ZNF664: variants seen among roughly 807,000 people sequenced by gnomAD.
ZNF664 encodes the protein zinc finger protein 664.
ZNF664 carries 10 observed loss-of-function variants against 18.2 expected under a neutral mutation model. The ratio of observed to expected loss-of-function variants is 0.55; its 90% confidence interval spans 0.34 to 0.93. ZNF664 has a LOEUF of 0.93. ZNF664 is among the 40% of genes least tolerant of loss of function. ZNF664 has a pLI of 0.02. For missense variants in ZNF664, 193 were observed against 319.0 expected (o/e 0.61, Z 3.01); for synonymous variants, 119 against 104.2 (o/e 1.14, Z -0.86).
intron 3 of ZNF664, 135 bp downstream of exon 3, chr12:123,988,273 G>A (rs955059439): frequency 2.7e-5 from 19 of 716,144 alleles, no homozygotes; most frequent in South Asian, 2.2e-4. Context: ...CTCCGTGCAC[G>A]CTCTTCCTGA....
At chr12:124,011,237 C>CATG in intron 3 of ZNF664, 144 bp from the exon 4 acceptor site, 2 of 949,572 alleles carry the variant, frequency 2.1e-6, no homozygotes, top group Non-Finnish European at 2.5e-6. Flanking sequence ...TTCATACTCA[C>CATG]ATGTAGGTCT....
intron 3 of ZNF664, among the ~76,000 whole-genome samples, chr12:124,009,989 G>A (rs893937553): frequency 5.3e-5 from 8 of 151,206 alleles, no homozygotes; most frequent in African/African-American, 1.9e-4. Flanking sequence ...TGCCATACTC[G>A]ACTCGGCTAG....
chr12:123,999,057 T>C (rs1017427928), intron 3 of ZNF664, among the ~76,000 whole-genome samples: 1 of 152,226 alleles, frequency 6.6e-6, no homozygotes, highest in Non-Finnish European at 1.5e-5. Context: ...TTATATGTTA[T>C]GATTACTGGC....
chr12:124,012,969 G>A lies in ZNF664; in HGVS notation c.*39G>A, dbSNP rs763978262. 2 of 1,591,992 alleles carry A rather than the reference G, an allele frequency of 1.3e-6. No individual in the cohort carries two copies. Among genetic ancestry groups the A allele is most frequent in the Admixed American group, 1.8e-5 (1 of 56,306 alleles). ...GAGTTTAAAATCTTAAAACCCATAA[G>A]TGCCACTAGGAAGGAAACCCTGTAT... On this transcript the variant is annotated 3_prime_UTR_variant, in exon 5 of 5. Coordinates refer to ENST00000337815, the MANE Select transcript of ZNF664 (RefSeq NM_152437.3).
At chr12:124,009,277 C>A (rs1957108098) in intron 3 of ZNF664, among the ~76,000 whole-genome samples, 1 of 152,118 alleles carries the variant, frequency 6.6e-6, no homozygotes, top group South Asian at 2.1e-4. Context: ...ATACTATGCT[C>A]AAAAGCCATT....
Position 123,986,807 on chromosome 12 carries a change from T to C in ZNF664, c.-756-1236T>C, listed in dbSNP as rs1002977486. Among the ~76,000 whole-genome samples the C allele has an allele frequency of 2.0e-5, 3 of 152,174 alleles. No individual in the cohort carries two copies. The East Asian group carries it at 5.8e-4, about 29-fold the overall frequency. The stretch of plus-strand genomic sequence containing the variant: ...TAGCAGGCACCATGATTGGCATGTA[T>C]AGTTCAGTAAGGGAGGAAAAAACCT... On this transcript the variant is annotated intron_variant, in intron 2 of 4. Transcript: ENST00000337815.
chr12:124,012,004 G>A lies in ZNF664; in HGVS notation c.-141G>A, dbSNP rs1252371178. 1.6e-5 allele frequency: 23 copies of A among 1,441,594 alleles called. No homozygotes were observed. Among genetic ancestry groups the A allele is most frequent in the Non-Finnish European group, 2.0e-5 (22 of 1,106,482 alleles). 89.3% of individuals were successfully genotyped at this position (1,441,594 alleles called of 1,614,324 possible). On this transcript the variant is annotated 5_prime_UTR_variant, in exon 5 of 5. Transcript: ENST00000337815. The stretch of plus-strand genomic sequence containing the variant: ...AGACAGGCAGGGAAAAGCTTAGGCT[G>A]ACCTTAAACTTACCTAATAGAGCAA...
chr12:124,002,410 C>T (rs572483244), intron 3 of ZNF664, among the ~76,000 whole-genome samples: 5 of 152,322 alleles, frequency 3.3e-5, no homozygotes, highest in African/African-American at 4.8e-5. Context: ...AGGGCAGTGA[C>T]GTTCTCTAAC....
chr12:123,988,379 C>T (rs1345286957), intron 3 of ZNF664, among the ~76,000 whole-genome samples: 2 of 152,150 alleles, frequency 1.3e-5, no homozygotes, highest in East Asian at 1.9e-4. Context: ...TCTTTTTGTT[C>T]CCTGGGATCT....
rs1957136807 is a variant in ZNF664, at chr12:124,011,594, A to AT, written c.-550dup. 1 of 990,234 alleles carries AT rather than the reference A, an allele frequency of 1.0e-6. No individual in the cohort carries two copies. Among genetic ancestry groups the AT allele is most frequent in the African/African-American group, 1.7e-5 (1 of 57,322 alleles). The allele number at this position is 990,234 out of a possible 1,614,324, so 61.3% of individuals were successfully genotyped here. A position where few individuals can be genotyped will look rare whatever the true frequency, so the allele number is the denominator to read the frequency against. ...GGAATTCCCCAAAGCAGGGCTTGCCATACCTGGACCCCGAGGAGCCTGCTT... is the reference window on the plus strand; with the variant it reads ...GGAATTCCCCAAAGCAGGGCTTGCCATTACCTGGACCCCGAGGAGCCTGCTT... On this transcript the variant is annotated 5_prime_UTR_variant, in exon 5 of 5. Coordinates refer to ENST00000337815, the MANE Select transcript of ZNF664 (RefSeq NM_152437.3).
chr12:124,005,483 A>AG (rs1555272955), intron 3 of ZNF664, among the ~76,000 whole-genome samples: 2 of 142,814 alleles, frequency 1.4e-5, no homozygotes, highest in East Asian at 2.0e-4. Flanking sequence ...AATTTATAGA[A>AG]TGTGTGTGTG....
rs748995554 is a variant in ZNF664, at chr12:124,012,702, C to G, written c.558C>G (p.Leu186=). 8.1e-6 allele frequency: 13 copies of G among 1,613,590 alleles called. 1 individual carries two copies. Among genetic ancestry groups the G allele is most frequent in the Admixed American group, 6.7e-5 (4 of 59,976 alleles). ...AGGCGTTCAGTCAGAGTTCGAGCCT[C>G]TGCATCCACCAGAGAGTCCACACTG... ...CGKAFSQSSS[L]CIHQRVHTGE... is the part of the protein sequence containing the mutation. The change falls in exon 5 of 5, where the codon CTC becomes CTG. Residue 186 remains leucine (L), a synonymous_variant. Coordinates refer to ENST00000337815, the MANE Select transcript of ZNF664 (RefSeq NM_152437.3).
At chr12:123,973,688 A>G (rs2138289758) in intron 1 of ZNF664, 198 bp from the exon 2 acceptor site, 1 of 952,924 alleles carries the variant, frequency 1.0e-6, no homozygotes, top group African/African-American at 1.7e-5. Context: ...GCCCCTCGGG[A>G]GCCGGACTCC....
intron 2 of ZNF664, chr12:123,974,299 A>T (rs1442073185): frequency 2.9e-6 from 1 of 350,722 alleles, no homozygotes; most frequent in Non-Finnish European, 5.1e-6. Context: ...TGGTTGCTAG[A>T]TTGCTTACGG....
rs778764172 is a variant in ZNF664, at chr12:124,012,729, A to C, written c.585A>C (p.Gly195=). 1 of 1,613,096 alleles carries C rather than the reference A, an allele frequency of 6.2e-7. No individual in the cohort carries two copies. Among genetic ancestry groups the C allele is most frequent in the East Asian group, 2.2e-5 (1 of 44,818 alleles). ...SLCIHQRVHT[G]EKPYRCCGCG... ...GCATCCACCAGAGAGTCCACACTGG[A>C]GAGAAACCCTATAGATGTTGTGGAT... is the stretch of plus-strand genomic sequence containing the variant. The change falls in exon 5 of 5, where the codon GGA becomes GGC. Residue 195 remains glycine, a synonymous_variant. Transcript: ENST00000337815.
intron 3 of ZNF664, among the ~76,000 whole-genome samples, chr12:124,000,749 C>G (rs573596271): frequency 6.6e-6 from 1 of 152,238 alleles, no homozygotes; most frequent in African/African-American, 2.4e-5. Context: ...TGGAATCATT[C>G]AGTATGTGCT....
At chr12:123,977,144 A>G (rs1956702898) in intron 2 of ZNF664, among the ~76,000 whole-genome samples, 1 of 152,208 alleles carries the variant, frequency 6.6e-6, no homozygotes, top group Non-Finnish European at 1.5e-5. Context: ...AAATAAAAGC[A>G]ATAAAAAGGT....
Position 123,973,253 on chromosome 12 carries a change from C to T in ZNF664, c.-991C>T, listed in dbSNP as rs1240196305. 1.0e-4 allele frequency: 100 copies of T among 995,862 alleles called. 5 individuals carry two copies. The highest frequency in any genetic ancestry group is 1.2e-4 in the Non-Finnish European group (97 of 839,634). The allele number at this position is 995,862 out of a possible 1,614,324, so 61.7% of individuals were successfully genotyped here. ...GAGGCGTCTGGGTGTGCGGAGCGCGCGCGCGCGCGGCTCGGAGGCGCACCT... is the reference window on the plus strand; with the variant it reads ...GAGGCGTCTGGGTGTGCGGAGCGCGTGCGCGCGCGGCTCGGAGGCGCACCT... On this transcript the variant is annotated 5_prime_UTR_variant, in exon 1 of 5. Coordinates refer to ENST00000337815, the MANE Select transcript of ZNF664 (RefSeq NM_152437.3).
chr12:123,995,783 C>CTAATTTT (rs1956941445), intron 3 of ZNF664, among the ~76,000 whole-genome samples: 1 of 152,180 alleles, frequency 6.6e-6, no homozygotes, highest in South Asian at 2.1e-4. Context: ...TGAATGAACT[C>CTAATTTT]TAATTTTTAA....
Sources: gnomAD v4.1 joint callset for allele counts (sites outside exome capture counted in the v4.1 genomes callset) on GRCh38, gnomAD v4.1.1 for gene constraint, MANE v1.5 for transcripts, NCBI Gene and HGNC (gene_info 2026-07-23, HGNC 2026-07-21) for gene names.